Variants in CADPS2 observed in about 807,000 individuals in gnomAD.
CADPS2 encodes calcium dependent secretion activator 2, also known as calcium-dependent secretion activator 2.
CADPS2 carries 93 observed loss-of-function variants against 172.5 expected under a neutral mutation model. That is an observed-to-expected ratio of 0.54 (90% CI 0.46 to 0.64). The LOEUF (loss-of-function observed/expected upper bound fraction) is 0.64, where lower values mean the gene tolerates loss of function less well. Ranked by LOEUF, CADPS2 falls within the 30% of genes least tolerant of loss-of-function variation. CADPS2 has a pLI of 0.00. For synonymous variants in CADPS2, 546 were observed against 555.2 expected, an observed-to-expected ratio of 0.98 and a Z score of 0.23; for missense variants, 1,420 against 1,565.9, an observed-to-expected ratio of 0.91 and a Z score of 1.57.
intron 9 of CADPS2, among the ~76,000 whole-genome samples, chr7:122,508,928 T>G (rs1285808880): frequency 1.3e-5 from 2 of 152,118 alleles, no homozygotes; most frequent in African/African-American, 4.8e-5. Flanking sequence ...TGGTTTGATT[T>G]TTATCCTACA....
chr7:122,807,562 G>C (rs915144689), intron 1 of CADPS2, among the ~76,000 whole-genome samples: 2 of 152,096 alleles, frequency 1.3e-5, no homozygotes, highest in African/African-American at 2.4e-5. Context: ...GTTCCTTTTG[G>C]GGTTGCTATT....
At chr7:122,376,711 A>G (rs1357652300) in intron 25 of CADPS2, among the ~76,000 whole-genome samples, 1 of 152,156 alleles carries the variant, frequency 6.6e-6, no homozygotes, top group Non-Finnish European at 1.5e-5. Context: ...TGTGACTGTT[A>G]TCACACACAG....
intron 17 of CADPS2, among the ~76,000 whole-genome samples, chr7:122,435,803 A>G (rs1331891292): frequency 6.6e-6 from 1 of 152,170 alleles, no homozygotes; most frequent in Non-Finnish European, 1.5e-5. Context: ...CATAATATAC[A>G]TACAATAGAA....
At chr7:122,884,822 T>C (rs1008829774) in intron 1 of CADPS2, among the ~76,000 whole-genome samples, 7 of 152,202 alleles carry the variant, frequency 4.6e-5, no homozygotes, top group Non-Finnish European at 1.0e-4. Flanking sequence ...ACATGTCAAT[T>C]ATACCTCAAA....
intron 1 of CADPS2, among the ~76,000 whole-genome samples, chr7:122,777,275 T>C (rs1271776414): frequency 6.6e-6 from 1 of 152,222 alleles, no homozygotes; most frequent in African/African-American, 2.4e-5. Context: ...GGCAGCTCCA[T>C]TGTCACCAGG....
intron 6 of CADPS2, among the ~76,000 whole-genome samples, chr7:122,593,762 C>CA (rs1323341076): frequency 6.6e-6 from 1 of 151,374 alleles, no homozygotes; most frequent in African/African-American, 2.4e-5. Flanking sequence ...CGTCAACTAA[C>CA]AGCAAAACAT....
At chr7:122,640,012 T>C (rs978185378) in intron 3 of CADPS2, among the ~76,000 whole-genome samples, 2 of 152,208 alleles carry the variant, frequency 1.3e-5, no homozygotes, top group South Asian at 2.1e-4. Flanking sequence ...ACAAGGCACA[T>C]TGAAATTAAC....
chr7:122,489,938 T>G, intron 11 of CADPS2, 143 bp downstream of exon 11: 1 of 677,086 alleles, frequency 1.5e-6, no homozygotes, highest in Non-Finnish European at 2.4e-6. Flanking sequence ...GATAAGTGAT[T>G]ATGTGACTAC....
At chr7:122,719,871 T>A (rs1447128781) in intron 2 of CADPS2, among the ~76,000 whole-genome samples, 5 of 152,010 alleles carry the variant, frequency 3.3e-5, no homozygotes, top group Non-Finnish European at 7.4e-5. Flanking sequence ...AGATTAATGG[T>A]CATTAGGGAA....
intron 1 of CADPS2, among the ~76,000 whole-genome samples, chr7:122,835,973 A>G (rs1395813532): frequency 6.6e-6 from 1 of 152,138 alleles, no homozygotes; most frequent in Non-Finnish European, 1.5e-5. Context: ...AAGACACATA[A>G]TTGTCAGATT....
intron 3 of CADPS2, among the ~76,000 whole-genome samples, chr7:122,660,606 T>A (rs1486352752): frequency 4.8e-5 from 7 of 146,406 alleles, no homozygotes; most frequent in East Asian, 2.0e-4. Flanking sequence ...AGTCTGGATT[T>A]AAAAAAAAAA....
intron 3 of CADPS2, among the ~76,000 whole-genome samples, chr7:122,645,487 CGTAT>C (rs1160982229): frequency 2.2e-4 from 20 of 89,136 alleles, no homozygotes; most frequent in Admixed American, 9.8e-4. Flanking sequence ...ATATATTTAG[CGTAT>C]ATATATATAA....
intron 2 of CADPS2, among the ~76,000 whole-genome samples, chr7:122,721,618 G>T (rs572130798): frequency 3.3e-5 from 5 of 152,118 alleles, no homozygotes; most frequent in Admixed American, 1.3e-4. Flanking sequence ...GTACAAGGAG[G>T]AGCTGGTACC....
chr7:122,885,830 C>A (rs542170623), intron 1 of CADPS2, among the ~76,000 whole-genome samples, 169 bp downstream of exon 1: 1 of 152,196 alleles, frequency 6.6e-6, no homozygotes, highest in East Asian at 1.9e-4. Context: ...CAGCCGCATA[C>A]CCGGCGGGTG....
At chr7:122,862,190 T>G (rs1253618322) in intron 1 of CADPS2, among the ~76,000 whole-genome samples, 1 of 152,178 alleles carries the variant, frequency 6.6e-6, no homozygotes, top group African/African-American at 2.4e-5. Context: ...GTGGAGAGAT[T>G]ACTGCTGTAC....
chr7:122,424,869 C>G (rs1437994303), intron 17 of CADPS2, among the ~76,000 whole-genome samples: 1 of 151,482 alleles, frequency 6.6e-6, no homozygotes, highest in East Asian at 1.9e-4. Flanking sequence ...TCTATGCTGT[C>G]TACTTACTTT....
intron 27 of CADPS2, among the ~76,000 whole-genome samples, chr7:122,347,115 C>T (rs1031071632): frequency 6.6e-6 from 1 of 152,080 alleles, no homozygotes; most frequent in African/African-American, 2.4e-5. Flanking sequence ...GCATTTATAA[C>T]CTTTGTCAGC....
intron 1 of CADPS2, among the ~76,000 whole-genome samples, chr7:122,786,756 A>AT (rs916370491): frequency 8.5e-4 from 129 of 150,984 alleles, no homozygotes; most frequent in African/African-American, 2.0e-3. Context: ...CCATATCCCC[A>AT]TTTTTTTTTC....
rs547557453 is a variant in CADPS2 at position 122,859,175 on chromosome 7, G to C, written c.339+26824C>G. On this transcript the variant is annotated intron_variant, in intron 1 of 29. Coordinates refer to ENST00000449022, the MANE Select transcript of CADPS2 (RefSeq NM_017954.11). ...TGCTTAATATTTTCAATTTCACTGG[G>C]TCTTAATTAATTGAAAGTTTATATT... Among the ~76,000 whole-genome samples the C allele has an allele frequency of 9.2e-5, 14 of 152,106 alleles. 1 individual carries two copies. In the South Asian group the frequency reaches 2.9e-3, roughly 32 times the overall value.
Sources: allele counts gnomAD v4.1 joint callset (sites outside exome capture counted in the v4.1 genomes callset), GRCh38; gene constraint gnomAD v4.1.1; transcripts MANE v1.5; gene names NCBI Gene and HGNC (gene_info 2026-07-23, HGNC 2026-07-21).